Variants in SMARCA2 observed in about 807,000 individuals in gnomAD.
The protein encoded by SMARCA2 is SWI/SNF related BAF chromatin remodeling complex subunit ATPase 2.
A neutral mutation model predicts 199.8 loss-of-function variants in SMARCA2; 61 were observed. That is an observed-to-expected ratio of 0.31 (90% CI 0.25 to 0.38). SMARCA2 has a LOEUF of 0.38. Among genes scored for constraint, SMARCA2 ranks in the 10% least tolerant of loss-of-function variants. SMARCA2 has a pLI of 1.00. For missense variants in SMARCA2, 1,344 were observed against 2,012.2 expected (o/e 0.67, Z 6.35); for synonymous variants, 935 against 732.0 (o/e 1.28, Z -4.48).
intron 29 of SMARCA2, among the ~76,000 whole-genome samples, chr9:2,176,400 G>T (rs1050255249): frequency 5.3e-5 from 8 of 152,202 alleles, no homozygotes; most frequent in African/African-American, 1.9e-4. Flanking sequence ...TCATGCATCA[G>T]AGTGTGATTG....
chr9:2,191,342 G>T lies in SMARCA2; in HGVS notation c.4671G>T (p.Arg1557Ser). 1.9e-6 allele frequency: 3 copies of T among 1,614,184 alleles called. No homozygotes were observed. The highest frequency in any genetic ancestry group is 1.7e-6 in the Non-Finnish European group (2 of 1,180,012). The change falls in exon 33 of 34, where the codon AGG (arginine) becomes AGT (serine). Residue 1557 changes from arginine (R) to serine (S), a missense_variant. This residue lies in a region of SMARCA2 where 155 missense variants were observed against 121.1 expected (regional missense o/e 1.28). Coordinates refer to ENST00000349721, the MANE Select transcript of SMARCA2 (RefSeq NM_003070.5). ...KGRDKGKGKK[R>S]PNRGKAKPVV... The stretch of plus-strand genomic sequence containing the variant: ...GGGACAAAGGGAAAGGCAAGAAAAG[G>T]CCAAATCGAGGAAAAGCCAAACCTG...
At position 2,191,254 on chromosome 9, in the gene SMARCA2, C is replaced by T. The variant is rs748635116; in HGVS notation, c.4595-12C>T. On this transcript the variant is annotated splice_polypyrimidine_tract_variant and intron_variant, in intron 32 of 33. Transcript: ENST00000349721. ...TACTCACTGGTGTCTATTTCATTTG[C>T]TTTGGTTTTAGCAAAATCAGTCAAG... 2 of 1,613,258 alleles carry T rather than the reference C, an allele frequency of 1.2e-6. No individual in the cohort carries two copies. Among genetic ancestry groups the T allele is most frequent in the African/African-American group, 1.3e-5 (1 of 74,840 alleles).
At chr9:2,109,173 T>A (rs1022524036) in intron 23 of SMARCA2, among the ~76,000 whole-genome samples, 1 of 152,202 alleles carries the variant, frequency 6.6e-6, no homozygotes, top group Non-Finnish European at 1.5e-5. Context: ...TATGTTTTCA[T>A]CCTTAAAAAA....
intron 24 of SMARCA2, among the ~76,000 whole-genome samples, chr9:2,111,070 G>A (rs1477535719): frequency 6.7e-6 from 1 of 149,764 alleles, no homozygotes; most frequent in Admixed American, 6.6e-5. Context: ...AAATTGAGCG[G>A]GTCTCTCATG....
intron 5 of SMARCA2, chr9:2,047,772 C>T (rs1164259051): frequency 2.4e-5 from 5 of 210,368 alleles, no homozygotes; most frequent in Non-Finnish European, 3.7e-5. Context: ...TCGGTGATGA[C>T]GGAGGGGCTG....
chr9:2,078,462 A>T (rs1445394638), intron 14 of SMARCA2, among the ~76,000 whole-genome samples: 1 of 151,086 alleles, frequency 6.6e-6, no homozygotes, highest in Non-Finnish European at 1.5e-5. Context: ...ACAAAGTGAA[A>T]CTCCATCTAC....
In SMARCA2 at chr9:2,182,827, C is replaced by G. The variant is rs1042701768; in HGVS notation, c.4461+585C>G. Among the ~76,000 whole-genome samples, 33 of 143,180 alleles carry G rather than the reference C, an allele frequency of 2.3e-4. 1 individual carries two copies. The highest frequency in any genetic ancestry group is 8.4e-4 in the African/African-American group (32 of 38,244). 93.9% of individuals were successfully genotyped at this position (143,180 alleles called of 152,430 possible). A position where few individuals can be genotyped will look rare whatever the true frequency, so the allele number is the denominator to read the frequency against. ...ATATATTTTTTTTTCGAGATGGAGT[C>G]TCGCCCAGGCTGGAGTGCAGTGGCA... is the stretch of plus-strand genomic sequence containing the variant. On this transcript the variant is annotated intron_variant, in intron 31 of 33. Coordinates refer to ENST00000349721, the MANE Select transcript of SMARCA2 (RefSeq NM_003070.5).
Position 2,016,015 on chromosome 9 carries a change from C to G in SMARCA2, c.-37+611C>G, listed in dbSNP as rs1818339289. ...GCCCAGGCTGGCGGCGGGGCGCCAACGGACGCTGTTGCCACCCGCTTCCCA... is the reference window on the plus strand; with the variant it reads ...GCCCAGGCTGGCGGCGGGGCGCCAAGGGACGCTGTTGCCACCCGCTTCCCA... On this transcript the variant is annotated intron_variant, in intron 1 of 33. Coordinates refer to ENST00000349721, the MANE Select transcript of SMARCA2 (RefSeq NM_003070.5). This position sits in a 1 kb window ranked among gnomAD's most constrained non-coding sequence, Gnocchi z 5.6. 6.6e-6 allele frequency: 1 copy of G among 152,500 alleles called. No individual in the cohort carries two copies. The highest frequency in any genetic ancestry group is 2.4e-5 in the African/African-American group (1 of 41,434). The allele number at this position is 152,500 out of a possible 1,614,324, so 9.4% of individuals were successfully genotyped here.
intron 26 of SMARCA2, among the ~76,000 whole-genome samples, chr9:2,122,465 T>G (rs1370734640): frequency 3.9e-5 from 6 of 152,164 alleles, no homozygotes. Flanking sequence ...TACCAAAACA[T>G]TAGAAGACAG....
In SMARCA2 at chr9:2,176,447, T is replaced by A. The variant is rs367769157; in HGVS notation, c.4254-5124T>A. Reference sequence around the variant, plus strand: ...CTAGACAAAGTCTTGGTGCCTTTCTTATTGAGCTGAGTGAACCCTTTTCAG... The same window carrying A: ...CTAGACAAAGTCTTGGTGCCTTTCTAATTGAGCTGAGTGAACCCTTTTCAG... On this transcript the variant is annotated intron_variant, in intron 29 of 33. Transcript: ENST00000349721. Among the ~76,000 whole-genome samples the A allele has an allele frequency of 7.2e-5, 11 of 152,260 alleles. No individual in the cohort carries two copies. The South Asian group carries it at 1.2e-3, about 17-fold the overall frequency.
At chr9:2,065,440 C>A (rs1168017866) in intron 9 of SMARCA2, among the ~76,000 whole-genome samples, 1 of 152,022 alleles carries the variant, frequency 6.6e-6, no homozygotes, top group Non-Finnish European at 1.5e-5. Flanking sequence ...GTTCTTTTAT[C>A]CTGTCTCTCT....
chr9:2,181,505 A>AAAAT (rs1299697682), intron 29 of SMARCA2, 66 bp from the exon 30 acceptor site: 3 of 821,240 alleles, frequency 3.7e-6, no homozygotes, highest in East Asian at 4.9e-5. Flanking sequence ...TTCTGAAATA[A>AAAAT]AAATAAAACC....
At chr9:2,121,980 CTAAA>C (rs1221075385) in intron 26 of SMARCA2, among the ~76,000 whole-genome samples, 2 of 152,124 alleles carry the variant, frequency 1.3e-5, no homozygotes, top group African/African-American at 2.4e-5. Flanking sequence ...CACAAAGTAA[CTAAA>C]TAGTAAGTTT....
At chr9:2,099,278 A>C (rs1006068235) in intron 21 of SMARCA2, among the ~76,000 whole-genome samples, 2 of 152,010 alleles carry the variant, frequency 1.3e-5, no homozygotes, top group South Asian at 4.1e-4. Context: ...ACTGTCTGGG[A>C]TTTTCTTAGT....
intron 27 of SMARCA2, among the ~76,000 whole-genome samples, chr9:2,127,980 T>C (rs1221189556): frequency 3.3e-5 from 5 of 152,082 alleles, no homozygotes; most frequent in African/African-American, 9.7e-5. Flanking sequence ...TTTTTAAAGG[T>C]ATTTTACATT....
In SMARCA2 at chr9:2,086,292, C is replaced by T. The variant is rs12351025; in HGVS notation, c.2527-537C>T. ...GTCCAAACAAAACAAAACACACTTC[C>T]GGGCCAAGCCCTAAAGGTAGTAACC... On this transcript the variant is annotated intron_variant, in intron 17 of 33. Transcript: ENST00000349721. The surrounding 1 kb of genome is among the most constrained non-coding windows in gnomAD (Gnocchi z 4.3). Among the ~76,000 whole-genome samples, 4,044 of 152,200 alleles carry T rather than the reference C, an allele frequency of 0.027. 138 individuals carry two copies. Among genetic ancestry groups the T allele is most frequent in the African/African-American group, 0.078 (3,247 of 41,492 alleles).
At chr9:2,150,565 G>A (rs562027181) in intron 27 of SMARCA2, among the ~76,000 whole-genome samples, 5 of 151,750 alleles carry the variant, frequency 3.3e-5, no homozygotes, top group South Asian at 2.1e-4. Flanking sequence ...CGTTTACTCC[G>A]AGGGGTGTGT....
chr9:2,041,697 G>A, intron 4 of SMARCA2: 1 of 310,392 alleles, frequency 3.2e-6, no homozygotes, highest in East Asian at 5.2e-5. Flanking sequence ...TTTGGTAGGT[G>A]GAGGATCATA....
At chr9:2,186,310 CT>C in intron 32 of SMARCA2, 82 bp downstream of exon 32, 1 of 1,413,728 alleles carries the variant, frequency 7.1e-7, no homozygotes, top group Non-Finnish European at 9.5e-7. Context: ...ACAGAAGAGA[CT>C]TTAGAGTGGG....
Sources: allele counts gnomAD v4.1 joint callset (sites outside exome capture counted in the v4.1 genomes callset), GRCh38; gene constraint gnomAD v4.1.1; regional missense constraint gnomAD v4.1.1; non-coding constraint Gnocchi (gnomAD v3.1); transcripts MANE v1.5; gene names NCBI Gene and HGNC (gene_info 2026-07-23, HGNC 2026-07-21).